Variants in ASTN1 observed in about 807,000 individuals in gnomAD.
ASTN1 encodes the protein astrotactin-1.
ASTN1 carries 41 observed loss-of-function variants against 140.7 expected under a neutral mutation model. The observed-to-expected ratio is 0.29, with a 90% CI of 0.23 to 0.38. The LOEUF (loss-of-function observed/expected upper bound fraction) is 0.38. Among genes scored for constraint, ASTN1 ranks in the 10% least tolerant of loss-of-function variants. The pLI is 1.00. For synonymous variants in ASTN1, 640 were observed against 652.2 expected (o/e 0.98, Z 0.29); for missense variants, 1,479 against 1,678.8 (o/e 0.88, Z 2.08).
chr1:176,994,933 A>G (rs1674367474), intron 8 of ASTN1, among the ~76,000 whole-genome samples: 1 of 152,230 alleles, frequency 6.6e-6, no homozygotes, highest in Admixed American at 6.5e-5. Flanking sequence ...TGTTTATTAA[A>G]TGAATAAATG....
At chr1:177,056,899 C>T (rs547748968) in intron 2 of ASTN1, among the ~76,000 whole-genome samples, 12 of 152,204 alleles carry the variant, frequency 7.9e-5, no homozygotes, top group African/African-American at 1.9e-4. Context: ...TTTTAACTGA[C>T]GAATTGCTTG....
chr1:176,909,950 C>T (rs1232706778), intron 16 of ASTN1, among the ~76,000 whole-genome samples: 1 of 152,070 alleles, frequency 6.6e-6, no homozygotes, highest in Non-Finnish European at 1.5e-5. Context: ...ATTTTTCATT[C>T]CTACAGTAAC....
intron 16 of ASTN1, among the ~76,000 whole-genome samples, chr1:176,932,220 T>G (rs928550727): frequency 6.6e-6 from 1 of 152,186 alleles, no homozygotes; most frequent in African/African-American, 2.4e-5. Flanking sequence ...CAATAACATA[T>G]AATCAAAGGA....
intron 7 of ASTN1, among the ~76,000 whole-genome samples, chr1:177,017,285 CAG>C (rs1395567796): frequency 1.3e-5 from 2 of 152,170 alleles, no homozygotes; most frequent in African/African-American, 2.4e-5. Flanking sequence ...GTCCAAGAAA[CAG>C]AGAAATTTTC....
chr1:176,943,768 A>T, intron 14 of ASTN1, 123 bp downstream of exon 14: 1 of 1,255,414 alleles, frequency 8.0e-7, no homozygotes, highest in Non-Finnish European at 1.1e-6. Context: ...CTGAGCTTTT[A>T]TTGTGTATGA....
rs756178423 is a variant in ASTN1 at position 176,943,957 on chromosome 1, C to T, written c.2311G>A (p.Val771Met). The T allele has an allele frequency of 3.1e-6, 5 of 1,614,080 alleles. No homozygotes were observed. The East Asian group carries it at 1.1e-4, about 36-fold the overall frequency. Residue 771 changes from valine (V) to methionine (M), a missense_variant, in exon 14 of 23, where the codon GTG becomes ATG. This residue lies in a region of ASTN1 where 746 missense variants were observed against 800.9 expected (regional missense o/e 0.93). Transcript: ENST00000361833. ...TCTAGGCATTGATTCTCCAGGGGCA[C>T]AGTGGCCACCACAAGACCATCTGGC... The part of the protein sequence containing the change: ...QLPDGLVVAT[V>M]PLENQCLEEI...
At chr1:177,043,276 A>G (rs899485184) in intron 2 of ASTN1, among the ~76,000 whole-genome samples, 7 of 152,218 alleles carry the variant, frequency 4.6e-5, no homozygotes, top group African/African-American at 1.7e-4. Context: ...ATTTTCCACA[A>G]TATAACAACA....
chr1:177,065,222 G>A (rs116649824), intron 1 of ASTN1, among the ~76,000 whole-genome samples: 7,774 of 152,172 alleles, frequency 0.051, 248 homozygotes, highest in South Asian at 0.12. Context: ...GCATCATCAC[G>A]CTGTGGGACT....
chr1:177,057,859 T>C (rs1677890142), intron 2 of ASTN1, among the ~76,000 whole-genome samples: 1 of 152,198 alleles, frequency 6.6e-6, no homozygotes, highest in South Asian at 2.1e-4. Context: ...AATGCTGTCA[T>C]CCAGATGCCT....
intron 2 of ASTN1, among the ~76,000 whole-genome samples, chr1:177,042,568 A>T (rs1171167584): frequency 6.6e-6 from 1 of 152,228 alleles, no homozygotes; most frequent in Non-Finnish European, 1.5e-5. Context: ...TAAAGAAGTA[A>T]TACTAATGAT....
chr1:176,956,386 C>T (rs1048650231), intron 11 of ASTN1, among the ~76,000 whole-genome samples: 1 of 152,156 alleles, frequency 6.6e-6, no homozygotes, highest in African/African-American at 2.4e-5. Flanking sequence ...AGGCACATAT[C>T]CGTCTTTGAT....
chr1:177,014,698 G>T (rs1571651049), intron 8 of ASTN1, 93 bp downstream of exon 8: 3 of 1,195,410 alleles, frequency 2.5e-6, no homozygotes, highest in East Asian at 2.4e-5. Flanking sequence ...CCACCCTTTA[G>T]CTCTATTCCT....
At chr1:177,107,598 T>C (rs566989638) in intron 1 of ASTN1, among the ~76,000 whole-genome samples, 6 of 152,328 alleles carry the variant, frequency 3.9e-5, no homozygotes, top group Middle Eastern at 3.4e-3. Context: ...TGAGATTCCC[T>C]GTGGGCTGGC....
At chr1:177,047,222 G>A (rs568067965) in intron 2 of ASTN1, among the ~76,000 whole-genome samples, 9 of 152,328 alleles carry the variant, frequency 5.9e-5, no homozygotes, top group Admixed American at 3.3e-4. Context: ...CCTAGAGGGA[G>A]TCATGGGGCA....
intron 1 of ASTN1, among the ~76,000 whole-genome samples, chr1:177,086,753 T>G (rs1008140120): frequency 6.6e-6 from 1 of 152,254 alleles, no homozygotes; most frequent in Non-Finnish European, 1.5e-5. Context: ...AGTTTGTTTC[T>G]AGAAAATAGA....
intron 1 of ASTN1, among the ~76,000 whole-genome samples, chr1:177,101,008 G>A (rs1280542930): frequency 1.3e-5 from 2 of 152,076 alleles, no homozygotes; most frequent in African/African-American, 2.4e-5. Context: ...CAGCAGAATC[G>A]CTTGAACCTG....
Position 177,113,800 on chromosome 1 carries a change from A to C in ASTN1, c.283+50594T>G, listed in dbSNP as rs550906830. On this transcript the variant is annotated intron_variant, in intron 1 of 22. Transcript: ENST00000361833. ...CAGCTTATGGAGAGAAGCTCTACCTAATCTTGATAGTTAATTAGTGGGTAT... is the reference window on the plus strand; with the variant it reads ...CAGCTTATGGAGAGAAGCTCTACCTCATCTTGATAGTTAATTAGTGGGTAT... Among the ~76,000 whole-genome samples, 11 of 152,306 alleles carry C rather than the reference A, an allele frequency of 7.2e-5. No homozygotes were observed. The South Asian group carries it at 1.9e-3, about 26-fold the overall frequency.
intron 1 of ASTN1, among the ~76,000 whole-genome samples, chr1:177,064,631 G>A (rs1472216365): frequency 6.6e-6 from 1 of 152,190 alleles, no homozygotes; most frequent in African/African-American, 2.4e-5. Context: ...GGTTATCCAT[G>A]CCCATCTCTA....
chr1:177,022,723 G>T (rs1204385718), intron 7 of ASTN1, among the ~76,000 whole-genome samples: 1 of 152,170 alleles, frequency 6.6e-6, no homozygotes, highest in African/African-American at 2.4e-5. Flanking sequence ...CATTTTAATA[G>T]TATTTATAAA....
Sources: gnomAD v4.1 joint callset for allele counts (sites outside exome capture counted in the v4.1 genomes callset) on GRCh38, gnomAD v4.1.1 for gene constraint, gnomAD v4.1.1 regional missense constraint, MANE v1.5 for transcripts, NCBI Gene and HGNC (gene_info 2026-07-23, HGNC 2026-07-21) for gene names.